Variants in DTNB observed in about 807,000 individuals in gnomAD.
DTNB encodes the protein DTN-B.
Under a neutral mutation model 90.7 loss-of-function variants are expected in DTNB, and 63 were observed. That is an observed-to-expected ratio of 0.69 (90% CI 0.57 to 0.86). The LOEUF is 0.86. DTNB is among the 40% of genes least tolerant of loss of function. DTNB has a pLI of 0.00. For synonymous variants in DTNB, 277 were observed against 286.7 expected, an observed-to-expected ratio of 0.97 and a Z score of 0.34; for missense variants, 744 against 807.1, an observed-to-expected ratio of 0.92 and a Z score of 0.95.
intron 3 of DTNB, among the ~76,000 whole-genome samples, chr2:25,637,089 C>G (rs58786481): frequency 6.6e-6 from 1 of 151,550 alleles, no homozygotes. Context: ...ACAAACCTGA[C>G]GAAAACAAGA....
chr2:25,589,241 G>C (rs1440416764), intron 6 of DTNB, among the ~76,000 whole-genome samples: 2 of 152,074 alleles, frequency 1.3e-5, no homozygotes, highest in African/African-American at 4.8e-5. Flanking sequence ...ATGTGGCATG[G>C]TGCCCAATAA....
intron 16 of DTNB, among the ~76,000 whole-genome samples, chr2:25,395,792 G>C (rs747564824): frequency 6.6e-6 from 1 of 152,142 alleles, no homozygotes; most frequent in Non-Finnish European, 1.5e-5. Flanking sequence ...AAGCACTAGA[G>C]ATGGAATTTG....
chr2:25,551,719 C>G (rs2083696575), intron 8 of DTNB, among the ~76,000 whole-genome samples: 1 of 152,164 alleles, frequency 6.6e-6, no homozygotes, highest in Admixed American at 6.5e-5. Flanking sequence ...GGTGTAGAAA[C>G]AGGACAAGGT....
intron 4 of DTNB, among the ~76,000 whole-genome samples, chr2:25,616,336 C>T (rs1261824705): frequency 6.6e-6 from 1 of 152,072 alleles, no homozygotes; most frequent in East Asian, 1.9e-4. Flanking sequence ...ATAATTAGCA[C>T]TTGTACAACA....
Position 25,413,473 on chromosome 2 carries a change from T to A in DTNB, c.1575+6042A>T, listed in dbSNP as rs573847281. Among the ~76,000 whole-genome samples, 33 of 142,802 alleles carry A rather than the reference T, an allele frequency of 2.3e-4. 1 individual carries two copies. The South Asian group carries it at 7.2e-3, about 31-fold the overall frequency. The allele number at this position is 142,802 out of a possible 152,430, so 93.7% of individuals were successfully genotyped here. On this transcript the variant is annotated intron_variant, in intron 16 of 20. Coordinates refer to ENST00000406818, the MANE Select transcript of DTNB (RefSeq NM_021907.5). ...ATGTTCCCCTTCCTGTGTCCAAGTG[T>A]TCTCACTGTTCAATTCCCACCTATG...
chr2:25,429,415 A>T (rs962343093), intron 14 of DTNB, among the ~76,000 whole-genome samples: 10 of 151,400 alleles, frequency 6.6e-5, no homozygotes, highest in Admixed American at 2.6e-4. Context: ...TTGTGTCTGG[A>T]CCTCCAGCTT....
At chr2:25,571,167 T>C (rs888413213) in intron 8 of DTNB, among the ~76,000 whole-genome samples, 1 of 152,224 alleles carries the variant, frequency 6.6e-6, no homozygotes, top group Non-Finnish European at 1.5e-5. Context: ...CCCATTAGGC[T>C]GATGTATACA....
At chr2:25,652,565 G>A (rs778164363) in intron 2 of DTNB, 29 bp downstream of exon 2, 31 of 1,481,388 alleles carry the variant, frequency 2.1e-5, no homozygotes, top group South Asian at 3.7e-5. Flanking sequence ...AAACATTCCC[G>A]CACATATGAA....
At chr2:25,378,401 G>A (rs1558775597) in intron 20 of DTNB, among the ~76,000 whole-genome samples, 2 of 152,218 alleles carry the variant, frequency 1.3e-5, no homozygotes, top group South Asian at 2.1e-4. Context: ...CAGGGGCCCC[G>A]GGGGAGCGGG....
chr2:25,662,796 C>T (rs904912259), intron 1 of DTNB, among the ~76,000 whole-genome samples: 1 of 152,076 alleles, frequency 6.6e-6, no homozygotes, highest in East Asian at 1.9e-4. Context: ...ATTATGACCG[C>T]AGAGGTATAC....
chr2:25,509,623 G>A (rs1278656388), intron 9 of DTNB, among the ~76,000 whole-genome samples: 2 of 151,256 alleles, frequency 1.3e-5, no homozygotes, highest in African/African-American at 4.9e-5. Flanking sequence ...TCAGAAGTCA[G>A]CTCTCTGTGA....
intron 3 of DTNB, among the ~76,000 whole-genome samples, 161 bp from the exon 4 acceptor site, chr2:25,628,545 C>G (rs2074961181): frequency 6.6e-6 from 1 of 152,088 alleles, no homozygotes; most frequent in African/African-American, 2.4e-5. Context: ...GAACATCAGT[C>G]CCAGACAACA....
intron 16 of DTNB, among the ~76,000 whole-genome samples, chr2:25,412,924 T>A (rs2046955323): frequency 6.6e-6 from 1 of 152,254 alleles, no homozygotes; most frequent in African/African-American, 2.4e-5. Flanking sequence ...CAGTAGGGAC[T>A]TCATCAGTCT....
At chr2:25,560,727 G>A (rs959062848) in intron 8 of DTNB, among the ~76,000 whole-genome samples, 3 of 152,114 alleles carry the variant, frequency 2.0e-5, no homozygotes, top group South Asian at 2.1e-4. Context: ...AGACATGCGC[G>A]TGCCCACCCT....
chr2:25,462,614 T>C (rs546489258), intron 10 of DTNB, among the ~76,000 whole-genome samples: 11 of 152,234 alleles, frequency 7.2e-5, no homozygotes, highest in Non-Finnish European at 1.5e-4. Context: ...TCAAAAAGCA[T>C]CTGGCACATA....
At chr2:25,442,757 C>CT (rs2057716834) in intron 12 of DTNB, among the ~76,000 whole-genome samples, 1 of 152,192 alleles carries the variant, frequency 6.6e-6, no homozygotes, top group Non-Finnish European at 1.5e-5. Context: ...TCACATAACC[C>CT]TGTGTTTGAA....
chr2:25,452,177 C>T lies in DTNB; in HGVS notation c.1170-542G>A, dbSNP rs72851408. ...CTCTTCCTTTACTATGCTCATTCTA[C>T]ATCTATAGCCCCATCTTGGAGTTAA... is the stretch of plus-strand genomic sequence containing the variant. On this transcript the variant is annotated intron_variant, in intron 11 of 20. Coordinates refer to ENST00000406818, the MANE Select transcript of DTNB (RefSeq NM_021907.5). 7.2e-3 allele frequency among the ~76,000 whole-genome samples: 1,092 copies of T among 152,288 alleles called. 13 individuals are homozygous for T. Among genetic ancestry groups the T allele is most frequent in the African/African-American group, 0.025 (1,023 of 41,542 alleles).
intron 10 of DTNB, among the ~76,000 whole-genome samples, chr2:25,460,508 T>C (rs1162138218): frequency 6.6e-6 from 1 of 152,048 alleles, no homozygotes; most frequent in Non-Finnish European, 1.5e-5. Flanking sequence ...CACACTACCA[T>C]TCGGATTTCA....
At chr2:25,627,775 C>T (rs1327354374) in intron 4 of DTNB, among the ~76,000 whole-genome samples, 7 of 148,680 alleles carry the variant, frequency 4.7e-5, no homozygotes, top group South Asian at 2.1e-4. Flanking sequence ...CTCGCTCTGT[C>T]GCCCAGGCTG....
Sources: allele counts gnomAD v4.1 joint callset (sites outside exome capture counted in the v4.1 genomes callset), GRCh38; gene constraint gnomAD v4.1.1; transcripts MANE v1.5; gene names NCBI Gene and HGNC (gene_info 2026-07-23, HGNC 2026-07-21).